CDC25A: variants seen among roughly 807,000 people sequenced by gnomAD.
The protein encoded by CDC25A is cell division cycle 25A.
In CDC25A, 17 loss-of-function variants were observed where a neutral mutation model predicts 64.6. The observed-to-expected ratio is 0.26, with a 90% CI of 0.18 to 0.39. The LOEUF (loss-of-function observed/expected upper bound fraction) is 0.39, where lower values mean the gene tolerates loss of function less well. CDC25A is among the 10% of genes least tolerant of loss of function. CDC25A has a pLI of 1.00. For synonymous variants in CDC25A, 229 were observed against 238.6 expected (o/e 0.96, Z 0.37); for missense variants, 473 against 654.8 (o/e 0.72, Z 3.03).
At chr3:48,171,736 C>T (rs911634039) in intron 9 of CDC25A, among the ~76,000 whole-genome samples, 3 of 152,136 alleles carry the variant, frequency 2.0e-5, no homozygotes, top group Non-Finnish European at 4.4e-5. Context: ...TAAAGTTTCA[C>T]AAATGTTCTT....
chr3:48,187,416 C>A (rs3731489), intron 1 of CDC25A, among the ~76,000 whole-genome samples: 32,687 of 152,230 alleles, frequency 0.21, 4,366 homozygotes, highest in Non-Finnish European at 0.3. Flanking sequence ...GATGGTTTAG[C>A]AAAGGGTGAA....
At chr3:48,176,071 G>A (rs929541617) in intron 8 of CDC25A, among the ~76,000 whole-genome samples, 2 of 152,178 alleles carry the variant, frequency 1.3e-5, no homozygotes, top group African/African-American at 4.8e-5. Flanking sequence ...AGAAGGCTGA[G>A]CCAGAAGAAG....
chr3:48,183,331 C>T (rs561897447), intron 4 of CDC25A, among the ~76,000 whole-genome samples: 2 of 152,204 alleles, frequency 1.3e-5, no homozygotes, highest in East Asian at 3.8e-4. Flanking sequence ...AAGAACCCTT[C>T]CTGGTTTAAT....
At chr3:48,180,901 T>A in intron 5 of CDC25A, 61 bp from the exon 6 acceptor site, 1 of 1,578,664 alleles carries the variant, frequency 6.3e-7, no homozygotes, top group Non-Finnish European at 8.7e-7. Flanking sequence ...TCAGCTTGGG[T>A]GAAAGAGGCA....
At chr3:48,166,543 C>G (rs1258348434) in intron 10 of CDC25A, among the ~76,000 whole-genome samples, 2 of 152,198 alleles carry the variant, frequency 1.3e-5, no homozygotes, top group Non-Finnish European at 1.5e-5. Flanking sequence ...CTTAAACATA[C>G]AGATTTCACT....
rs2106774501 is a variant in CDC25A at position 48,187,721 on chromosome 3, T to C, written c.170+57A>G. On this transcript the variant is annotated intron_variant, in intron 1 of 14. Coordinates refer to ENST00000302506, the MANE Select transcript of CDC25A (RefSeq NM_001789.3). ...CCGGTCCGTTTCCTGGCCTGATCTC[T>C]CCGAGGCCGACACCGAGGCCAGGGG... 4 of 1,492,186 alleles carry C rather than the reference T, an allele frequency of 2.7e-6. No individual in the cohort carries two copies. In the South Asian group the frequency reaches 4.9e-5, roughly 18 times the overall value. The allele number at this position is 1,492,186 out of a possible 1,614,324, so 92.4% of individuals were successfully genotyped here. A position where few individuals can be genotyped will look rare whatever the true frequency, so the allele number is the denominator to read the frequency against.
chr3:48,180,537 C>G, intron 6 of CDC25A, 184 bp downstream of exon 6: 1 of 547,400 alleles, frequency 1.8e-6, no homozygotes, highest in South Asian at 3.0e-5. Context: ...CCCACTCTTA[C>G]TACCGCCTGT....
rs113942248 is a variant in CDC25A at position 48,168,147 on chromosome 3, G to A, written c.931-203C>T. Among the ~76,000 whole-genome samples, 220 of 143,826 alleles carry A rather than the reference G, an allele frequency of 1.5e-3. 1 individual carries two copies. The highest frequency in any genetic ancestry group is 5.4e-3 in the African/African-American group (209 of 38,540). 94.4% of individuals were successfully genotyped at this position (143,826 alleles called of 152,430 possible). A position where few individuals can be genotyped will look rare whatever the true frequency, so the allele number is the denominator to read the frequency against. On this transcript the variant is annotated intron_variant, in intron 9 of 14. Transcript: ENST00000302506. ...TCTCCTATTATTCCAGTGTCTAACC[G>A]AATTGCTCTGAAACTAAGTTTTCCT... is the stretch of plus-strand genomic sequence containing the variant.
intron 6 of CDC25A, among the ~76,000 whole-genome samples, chr3:48,179,239 C>G (rs1301482492): frequency 6.6e-6 from 1 of 152,184 alleles, no homozygotes; most frequent in African/African-American, 2.4e-5. Flanking sequence ...AAAGCTCACA[C>G]TATATCACAC....
intron 2 of CDC25A, among the ~76,000 whole-genome samples, 159 bp from the exon 3 acceptor site, chr3:48,184,854 T>C (rs1413589724): frequency 6.6e-6 from 1 of 152,236 alleles, no homozygotes; most frequent in Non-Finnish European, 1.5e-5. Context: ...GTCTATTAGA[T>C]TGTCAAAAAT....
Position 48,184,689 on chromosome 3 carries a change from C to G in CDC25A, c.254G>C (p.Cys85Ser). 1 of 1,584,260 alleles carries G rather than the reference C, an allele frequency of 6.3e-7. No homozygotes were observed. Residue 85 changes from cysteine (C) to serine (S), a missense_variant, in exon 3 of 15, where the codon TGT becomes TCT. Physicochemically the swap from Cys to Ser is moderately radical, Grantham distance 112. Transcript: ENST00000302506. ...GSSESTDSGFCLDSPGPLDSK... is the reference protein window; with the variant it reads ...GSSESTDSGFSLDSPGPLDSK... The stretch of plus-strand genomic sequence containing the variant: ...GTCCAATGGCCCAGGAGAATCTAGA[C>G]AGAAACCTATGGGGAAAAAAAAAAC...
intron 10 of CDC25A, among the ~76,000 whole-genome samples, chr3:48,167,110 A>G (rs2032056438): frequency 2.0e-5 from 3 of 152,154 alleles, no homozygotes; most frequent in Non-Finnish European, 4.4e-5. Context: ...CCTCACTAAA[A>G]TTTATTTCAG....
chr3:48,167,766 G>A, intron 10 of CDC25A, 80 bp downstream of exon 10: 2 of 796,134 alleles, frequency 2.5e-6, no homozygotes, highest in Non-Finnish European at 2.2e-6. Flanking sequence ...AACCACCCTG[G>A]GGAGGGAGAC....
At chr3:48,179,063 T>C (rs891515694) in intron 6 of CDC25A, among the ~76,000 whole-genome samples, 4 of 152,180 alleles carry the variant, frequency 2.6e-5, no homozygotes, top group African/African-American at 7.2e-5. Context: ...CACCAAGGAA[T>C]CCTCTCTGCA....
chr3:48,174,252 T>C, intron 9 of CDC25A, 32 bp downstream of exon 9: 3 of 1,579,662 alleles, frequency 1.9e-6, no homozygotes, highest in Non-Finnish European at 2.6e-6. Flanking sequence ...ACAGTATCTG[T>C]GCTAGAGCAA....
At chr3:48,176,563 T>C (rs1452391106) in intron 8 of CDC25A, among the ~76,000 whole-genome samples, 1 of 140,332 alleles carries the variant, frequency 7.1e-6, no homozygotes, top group Non-Finnish European at 1.6e-5. Flanking sequence ...ATATATAAAA[T>C]ATATATTATA....
chr3:48,159,503 G>C, intron 13 of CDC25A, 48 bp from the exon 14 acceptor site: 1 of 1,231,242 alleles, frequency 8.1e-7, no homozygotes, highest in Non-Finnish European at 1.2e-6. Context: ...TTCCAGCACA[G>C]CAACAAGGCA....
At position 48,174,268 on chromosome 3, in the gene CDC25A, A is replaced by C. The variant is rs766734058; in HGVS notation, c.930+16T>G. 1 of 1,596,392 alleles carries C rather than the reference A, an allele frequency of 6.3e-7. No homozygotes were observed. Among genetic ancestry groups the C allele is most frequent in the Non-Finnish European group, 8.5e-7 (1 of 1,174,726 alleles). On this transcript the variant is annotated intron_variant, in intron 9 of 14. Transcript: ENST00000302506. ...CAGTATCTGTGCTAGAGCAAAAAGGAACCTAGGAAACTAACCTCATGGGCC... is the reference window on the plus strand; with the variant it reads ...CAGTATCTGTGCTAGAGCAAAAAGGCACCTAGGAAACTAACCTCATGGGCC...
intron 4 of CDC25A, 37 bp from the exon 5 acceptor site, chr3:48,183,067 A>C (rs142302801): frequency 6.9e-7 from 1 of 1,449,426 alleles, no homozygotes; most frequent in Non-Finnish European, 9.7e-7. Context: ...TAAGGCACAC[A>C]AATAAAATTT....
Sources: allele counts gnomAD v4.1 joint callset (sites outside exome capture counted in the v4.1 genomes callset), GRCh38; gene constraint gnomAD v4.1.1; transcripts MANE v1.5; gene names NCBI Gene and HGNC (gene_info 2026-07-23, HGNC 2026-07-21).